CXCL13: variants seen among roughly 807,000 people sequenced by gnomAD.
CXCL13 encodes C-X-C motif chemokine ligand 13, also known as C-X-C motif chemokine 13.
A neutral mutation model predicts 12.2 loss-of-function variants in CXCL13; 7 were observed. The observed-to-expected ratio is 0.57, with a 90% CI of 0.33 to 1.07. The LOEUF is 1.07. CXCL13 is among the 50% of genes least tolerant of loss of function. The probability of loss-of-function intolerance (pLI) is 0.04; values close to 1 mark genes in which losing one functional copy is unlikely to be tolerated. For synonymous variants in CXCL13, 47 were observed against 42.4 expected, an observed-to-expected ratio of 1.11 and a Z score of -0.42; for missense variants, 113 against 127.4, an observed-to-expected ratio of 0.89 and a Z score of 0.55.
At position 77,531,564 on chromosome 4, in the gene CXCL13, A is replaced by T. The variant is rs190515230; in HGVS notation, c.-43+19776A>T. Among the ~76,000 whole-genome samples the T allele has an allele frequency of 1.1e-3, 163 of 152,088 alleles. 1 individual carries two copies. The highest frequency in any genetic ancestry group is 3.8e-3 in the African/African-American group (158 of 41,498). On this transcript the variant is annotated intron_variant, in intron 1 of 4. Coordinates refer to the CXCL13 transcript ENST00000286758. ...AGTTCTGTAGGTGTCTATTAGGTCC[A>T]CTTGGTGCAGAGCTGAGATCAATTC... is the stretch of plus-strand genomic sequence containing the variant.
At chr4:77,562,782 A>G (rs1188546252) in intron 1 of CXCL13, among the ~76,000 whole-genome samples, 1 of 152,120 alleles carries the variant, frequency 6.6e-6, no homozygotes, top group Non-Finnish European at 1.5e-5. Context: ...GGGGATTTGG[A>G]GAACTTTTGT....
At chr4:77,565,087 G>T (rs1426106305) in intron 1 of CXCL13, among the ~76,000 whole-genome samples, 2 of 152,180 alleles carry the variant, frequency 1.3e-5, no homozygotes, top group Non-Finnish European at 1.5e-5. Context: ...TAGCTCAACT[G>T]TCTTCCACAA....
intron 1 of CXCL13, among the ~76,000 whole-genome samples, chr4:77,514,628 C>A (rs1471486318): frequency 6.7e-6 from 1 of 148,824 alleles, no homozygotes; most frequent in African/African-American, 2.5e-5. Context: ...CTGTTCATGT[C>A]CTTCGCCCAC....
intron 1 of CXCL13, among the ~76,000 whole-genome samples, chr4:77,523,658 G>A (rs954827228): frequency 1.3e-5 from 2 of 152,194 alleles, no homozygotes; most frequent in African/African-American, 4.8e-5. Context: ...GTTAGAACAT[G>A]CTCCTTTAGC....
chr4:77,564,571 T>C (rs565704160), intron 1 of CXCL13, among the ~76,000 whole-genome samples: 1 of 152,382 alleles, frequency 6.6e-6, no homozygotes, highest in South Asian at 2.1e-4. Context: ...CTTATAGTCA[T>C]CTCATTTAAT....
At chr4:77,602,868 G>A (rs1189034782), upstream of CXCL13, among the ~76,000 whole-genome samples, 1 of 152,102 alleles carries the variant, frequency 6.6e-6, no homozygotes, top group African/African-American at 2.4e-5. Context: ...AAGATATCAT[G>A]TAGTGTTGGA....
intron 1 of CXCL13, among the ~76,000 whole-genome samples, chr4:77,569,321 A>T (rs551998040): frequency 6.6e-6 from 1 of 152,218 alleles, no homozygotes; most frequent in Non-Finnish European, 1.5e-5. Flanking sequence ...GAGGAAGTCA[A>T]ACTATCCCTG....
At chr4:77,518,588 A>C (rs139977647) in intron 1 of CXCL13, among the ~76,000 whole-genome samples, 2 of 152,180 alleles carry the variant, frequency 1.3e-5, no homozygotes, top group East Asian at 3.9e-4. Flanking sequence ...TGATCGCATC[A>C]GCTCCTGAGG....
chr4:77,607,510 G>T (rs769444994), intron 1 of CXCL13, among the ~76,000 whole-genome samples, 193 bp from the exon 2 acceptor site: 2 of 152,088 alleles, frequency 1.3e-5, no homozygotes, highest in Non-Finnish European at 2.9e-5. Context: ...TATTTTTAAA[G>T]TTTTGGTAGA....
rs546860767 is a variant in CXCL13 at position 77,571,057 on chromosome 4, C to T, written c.-42-34767C>T. Among the ~76,000 whole-genome samples, 59 of 152,130 alleles carry T rather than the reference C, an allele frequency of 3.9e-4. 1 individual carries two copies. The highest frequency in any genetic ancestry group is 1.1e-3 in the African/African-American group (44 of 41,366). Reference sequence around the variant, plus strand: ...AGGCCTGAGGAGTGTGAGCGCATGGCGCGGGACTGGCAGGCAGCTCCATCT... The same window carrying T: ...AGGCCTGAGGAGTGTGAGCGCATGGTGCGGGACTGGCAGGCAGCTCCATCT... On this transcript the variant is annotated intron_variant, in intron 1 of 4. Transcript: ENST00000286758.
At chr4:77,528,246 C>A (rs1218287920) in intron 1 of CXCL13, among the ~76,000 whole-genome samples, 1 of 152,148 alleles carries the variant, frequency 6.6e-6, no homozygotes, top group African/African-American at 2.4e-5. Context: ...CATATGTGTG[C>A]ATGTGTCTTT....
At chr4:77,552,799 G>A (rs1311558497) in intron 1 of CXCL13, among the ~76,000 whole-genome samples, 2 of 152,240 alleles carry the variant, frequency 1.3e-5, no homozygotes, top group Non-Finnish European at 2.9e-5. Flanking sequence ...GCATGCTGCA[G>A]GTGCCTGGAG....
intron 1 of CXCL13, among the ~76,000 whole-genome samples, chr4:77,550,801 G>T (rs1578049655): frequency 1.3e-5 from 2 of 152,286 alleles, no homozygotes; most frequent in East Asian, 1.9e-4. Flanking sequence ...GTGCTCCAAT[G>T]TTGGGTGTGT....
At chr4:77,513,762 C>A (rs1724331812) in intron 1 of CXCL13, among the ~76,000 whole-genome samples, 1 of 151,552 alleles carries the variant, frequency 6.6e-6, no homozygotes, top group African/African-American at 2.4e-5. Flanking sequence ...TGTTTCCTGA[C>A]TTTTTAACTA....
At chr4:77,587,482 A>G (rs1726501382) in intron 1 of CXCL13, among the ~76,000 whole-genome samples, 1 of 152,212 alleles carries the variant, frequency 6.6e-6, no homozygotes, top group Non-Finnish European at 1.5e-5. Flanking sequence ...GGTAGATACA[A>G]TACTGGAGGT....
At chr4:77,549,334 T>C (rs1368114498) in intron 1 of CXCL13, among the ~76,000 whole-genome samples, 1 of 152,270 alleles carries the variant, frequency 6.6e-6, no homozygotes, top group Non-Finnish European at 1.5e-5. Context: ...AGCCTAGTTC[T>C]GTCAACTCAT....
chr4:77,537,641 T>C (rs1311934005), intron 1 of CXCL13, among the ~76,000 whole-genome samples: 1 of 152,202 alleles, frequency 6.6e-6, no homozygotes, highest in Non-Finnish European at 1.5e-5. Context: ...ACAGAGTGTG[T>C]AATGGATAGC....
chr4:77,561,897 CA>C (rs1725824011), intron 1 of CXCL13, among the ~76,000 whole-genome samples: 1 of 152,150 alleles, frequency 6.6e-6, no homozygotes, highest in Non-Finnish European at 1.5e-5. Flanking sequence ...GGGAAAGGCG[CA>C]GGTGGGAACC....
intron 1 of CXCL13, among the ~76,000 whole-genome samples, chr4:77,598,689 T>C (rs1726822510): frequency 6.6e-6 from 1 of 152,224 alleles, no homozygotes; most frequent in Admixed American, 6.5e-5. Context: ...CGGAAAACTT[T>C]TCTTCGTTAT....
Sources: gnomAD v4.1 joint callset for allele counts (sites outside exome capture counted in the v4.1 genomes callset) on GRCh38, gnomAD v4.1.1 for gene constraint, MANE v1.5 for transcripts, NCBI Gene and HGNC (gene_info 2026-07-23, HGNC 2026-07-21) for gene names.